SMYD3: variants seen among roughly 807,000 people sequenced by gnomAD.
The protein encoded by SMYD3 is histone-lysine N-methyltransferase SMYD3.
SMYD3 carries 36 observed loss-of-function variants against 57.7 expected under a neutral mutation model. The ratio of observed to expected loss-of-function variants is 0.62; its 90% CI spans 0.48 to 0.82. The LOEUF (loss-of-function observed/expected upper bound fraction) is 0.82, where lower values mean the gene tolerates loss of function less well. Ranked by LOEUF, SMYD3 falls within the 40% of genes least tolerant of loss-of-function variation. The pLI is 0.00. For missense variants in SMYD3, 515 were observed against 538.8 expected, an observed-to-expected ratio of 0.96 and a Z score of 0.44; for synonymous variants, 211 against 195.0, an observed-to-expected ratio of 1.08 and a Z score of -0.68.
intron 8 of SMYD3, among the ~76,000 whole-genome samples, chr1:245,879,560 A>G (rs540707739): frequency 6.6e-6 from 1 of 152,392 alleles, no homozygotes; most frequent in Admixed American, 6.5e-5. Flanking sequence ...GAGATCACAG[A>G]AAGCTACTCA....
rs148388776 is a variant in SMYD3, at chr1:245,917,782, G to A, written c.703-2142C>T. ...TTTAAAAGTAGAAAGTAATCATGGCGGTATGTGTGGTGGGGGGAGAAGTGA... is the reference window on the plus strand; with the variant it reads ...TTTAAAAGTAGAAAGTAATCATGGCAGTATGTGTGGTGGGGGGAGAAGTGA... On this transcript the variant is annotated intron_variant, in intron 7 of 11. Coordinates refer to ENST00000490107, the MANE Select transcript of SMYD3 (RefSeq NM_001167740.2). 4.5e-3 allele frequency among the ~76,000 whole-genome samples: 688 copies of A among 152,272 alleles called. 6 individuals are homozygous for A. Among genetic ancestry groups the A allele is most frequent in the African/African-American group, 0.016 (658 of 41,546 alleles).
At chr1:245,880,167 GC>G (rs1199343218) in intron 8 of SMYD3, among the ~76,000 whole-genome samples, 7 of 152,230 alleles carry the variant, frequency 4.6e-5, no homozygotes, top group Admixed American at 2.0e-4. Flanking sequence ...TCTAGTGAAT[GC>G]TGTTCTTGCA....
intron 5 of SMYD3, among the ~76,000 whole-genome samples, chr1:245,991,761 C>T (rs2058818474): frequency 6.6e-6 from 1 of 151,924 alleles, no homozygotes; most frequent in African/African-American, 2.4e-5. Flanking sequence ...CCAGAAACGG[C>T]CTGCCGTCAT....
intron 1 of SMYD3, among the ~76,000 whole-genome samples, chr1:246,428,545 C>T (rs1210387683): frequency 6.6e-5 from 10 of 152,202 alleles, no homozygotes; most frequent in Admixed American, 2.0e-4. Flanking sequence ...GAGTTGTTAT[C>T]CTCATTTTAC....
rs568689071 is a variant in SMYD3 at position 246,062,451 on chromosome 1, G to T, written c.532-132514C>A. Reference sequence around the variant, plus strand: ...TCTGAATCTTGGTTTTAAACATCTTGTGACACCAGAAGAGGACAAAAATTG... The same window carrying T: ...TCTGAATCTTGGTTTTAAACATCTTTTGACACCAGAAGAGGACAAAAATTG... On this transcript the variant is annotated intron_variant, in intron 5 of 11. Coordinates refer to ENST00000490107, the MANE Select transcript of SMYD3 (RefSeq NM_001167740.2). 1.2e-4 allele frequency among the ~76,000 whole-genome samples: 19 copies of T among 152,262 alleles called. No individual in the cohort carries two copies. In the East Asian group the frequency reaches 3.5e-3, roughly 28 times the overall value.
chr1:245,899,197 A>G (rs1193101571), intron 8 of SMYD3, among the ~76,000 whole-genome samples: 3 of 152,190 alleles, frequency 2.0e-5, no homozygotes, highest in African/African-American at 4.8e-5. Context: ...ATTTTGATTG[A>G]ACTAATGTTG....
intron 1 of SMYD3, among the ~76,000 whole-genome samples, chr1:246,498,951 CAG>C (rs2103075701): frequency 6.6e-6 from 1 of 151,400 alleles, no homozygotes; most frequent in South Asian, 2.1e-4. Flanking sequence ...CCATCCCACC[CAG>C]ATAATTTTTT....
chr1:246,269,960 G>C (rs973204555), intron 5 of SMYD3, among the ~76,000 whole-genome samples: 1 of 152,116 alleles, frequency 6.6e-6, no homozygotes, highest in Admixed American at 6.6e-5. Context: ...TCCAACACCA[G>C]AGACAGAGTT....
intron 5 of SMYD3, among the ~76,000 whole-genome samples, chr1:246,033,865 G>A (rs1012189106): frequency 2.0e-5 from 3 of 152,022 alleles, no homozygotes; most frequent in Non-Finnish European, 2.9e-5. Flanking sequence ...TAGTTTTACA[G>A]TTTTGCAAGA....
intron 5 of SMYD3, among the ~76,000 whole-genome samples, chr1:245,944,923 T>A (rs1367091196): frequency 6.6e-6 from 1 of 152,188 alleles, no homozygotes; most frequent in Non-Finnish European, 1.5e-5. Context: ...CTGGGGGAAC[T>A]GGCTAGCCAT....
chr1:246,317,979 CTA>C (rs1349432525), intron 5 of SMYD3, among the ~76,000 whole-genome samples: 1 of 152,176 alleles, frequency 6.6e-6, no homozygotes, highest in Non-Finnish European at 1.5e-5. Flanking sequence ...ATGGCAGTCT[CTA>C]TGAGTCAGAG....
rs1455287421 is a variant in SMYD3, at chr1:246,248,646, T to G, written c.531+78555A>C. Among the ~76,000 whole-genome samples, 6 of 133,180 alleles carry G rather than the reference T, an allele frequency of 4.5e-5. 1 individual carries two copies. The South Asian group carries it at 1.7e-3, about 38-fold the overall frequency. 87.4% of individuals were successfully genotyped at this position (133,180 alleles called of 152,430 possible). On this transcript the variant is annotated intron_variant, in intron 5 of 11. Transcript: ENST00000490107. ...AGCTCTCTGACTTTCCTTTTTTTTT[T>G]TTTTTTTTTTTTTGAGATGGAGTCT...
intron 3 of SMYD3, among the ~76,000 whole-genome samples, chr1:246,334,263 C>A (rs895642332): frequency 2.6e-5 from 4 of 152,152 alleles, no homozygotes; most frequent in African/African-American, 9.7e-5. Context: ...TGTACTCATA[C>A]ACTCATCACA....
At chr1:246,459,361 G>A (rs571803873) in intron 1 of SMYD3, among the ~76,000 whole-genome samples, 13 of 151,594 alleles carry the variant, frequency 8.6e-5, no homozygotes, top group South Asian at 6.3e-4. Context: ...TGTGTAGCAC[G>A]TCCCCATTCA....
At chr1:245,824,661 G>A (rs1238843625) in intron 10 of SMYD3, among the ~76,000 whole-genome samples, 2 of 152,130 alleles carry the variant, frequency 1.3e-5, no homozygotes, top group Non-Finnish European at 2.9e-5. Context: ...TTGGAGACCA[G>A]CCTGATCAAC....
intron 5 of SMYD3, chr1:246,179,059 A>G: frequency 6.5e-6 from 1 of 153,856 alleles, no homozygotes; most frequent in Middle Eastern, 1.1e-3. Flanking sequence ...GTTCAAGGCC[A>G]TGCAAGAATG....
intron 5 of SMYD3, among the ~76,000 whole-genome samples, chr1:246,160,864 A>C (rs2062106877): frequency 6.6e-6 from 1 of 152,172 alleles, no homozygotes; most frequent in African/African-American, 2.4e-5. Context: ...AAATCTGGGA[A>C]GATTAAATAG....
At chr1:245,891,173 G>C (rs886218310) in intron 8 of SMYD3, among the ~76,000 whole-genome samples, 1 of 152,144 alleles carries the variant, frequency 6.6e-6, no homozygotes. Flanking sequence ...AGGGTGACCA[G>C]AGTCTACAAT....
At chr1:246,175,487 A>C (rs1039056259) in intron 5 of SMYD3, among the ~76,000 whole-genome samples, 3 of 152,194 alleles carry the variant, frequency 2.0e-5, no homozygotes, top group Non-Finnish European at 4.4e-5. Flanking sequence ...CCAGACTTGA[A>C]AATCCCTCTA....
Sources: allele counts gnomAD v4.1 joint callset (sites outside exome capture counted in the v4.1 genomes callset), GRCh38; gene constraint gnomAD v4.1.1; transcripts MANE v1.5; gene names NCBI Gene and HGNC (gene_info 2026-07-23, HGNC 2026-07-21).